The following NELL1 variants were observed in gnomAD, a reference collection of about 807,000 sequenced individuals.
NELL1 encodes the protein protein kinase C-binding protein NELL1.
In NELL1, 76 loss-of-function variants were observed where a neutral mutation model predicts 107.4. That is an observed-to-expected ratio of 0.71 (90% confidence interval 0.59 to 0.86). The LOEUF (loss-of-function observed/expected upper bound fraction) is 0.86. NELL1 is among the 40% of genes least tolerant of loss of function. The probability of loss-of-function intolerance (pLI) is 0.00; values close to 1 mark genes in which losing one functional copy is unlikely to be tolerated. For synonymous variants in NELL1, 353 were observed against 341.2 expected, an observed-to-expected ratio of 1.03 and a Z score of -0.38; for missense variants, 1,024 against 1,005.5, an observed-to-expected ratio of 1.02 and a Z score of -0.25.
At chr11:20,693,155 C>G (rs1854515502) in intron 2 of NELL1, among the ~76,000 whole-genome samples, 1 of 151,748 alleles carries the variant, frequency 6.6e-6, no homozygotes, top group Non-Finnish European at 1.5e-5. Context: ...CTTCCTCCAT[C>G]CTTTTATTTT....
intron 12 of NELL1, among the ~76,000 whole-genome samples, chr11:21,076,181 C>T (rs560834687): frequency 5.2e-4 from 79 of 152,328 alleles, no homozygotes; most frequent in African/African-American, 1.4e-3. Context: ...GCAGGCTCAA[C>T]GCCTTCAGTG....
intron 13 of NELL1, among the ~76,000 whole-genome samples, chr11:21,128,949 A>C (rs1258473691): frequency 6.6e-6 from 1 of 152,228 alleles, no homozygotes; most frequent in Non-Finnish European, 1.5e-5. Flanking sequence ...TAGAAAACTG[A>C]CAAGTTACAA....
intron 12 of NELL1, among the ~76,000 whole-genome samples, chr11:21,063,466 GCTT>G (rs1340903037): frequency 4.6e-5 from 7 of 152,090 alleles, no homozygotes; most frequent in East Asian, 1.9e-4. Context: ...CTAATTATAG[GCTT>G]CTTCTTTTTG....
intron 13 of NELL1, among the ~76,000 whole-genome samples, chr11:21,219,670 G>T (rs534077396): frequency 9.9e-5 from 15 of 152,034 alleles, no homozygotes; most frequent in African/African-American, 3.1e-4. Flanking sequence ...GAGAAATAGG[G>T]GTCTAATTTC....
chr11:21,449,662 T>G (rs911613263), intron 15 of NELL1, among the ~76,000 whole-genome samples: 10 of 152,218 alleles, frequency 6.6e-5, no homozygotes, highest in African/African-American at 2.4e-4. Context: ...GTGTTTTGCC[T>G]TAGAAATTTT....
intron 7 of NELL1, among the ~76,000 whole-genome samples, chr11:20,921,388 T>G (rs1007051608): frequency 1.6e-4 from 24 of 152,228 alleles, no homozygotes; most frequent in African/African-American, 5.5e-4. Flanking sequence ...TTAGTCTGCT[T>G]TACAGATGAG....
rs149426766 is a variant in NELL1, at chr11:21,024,465, T to C, written c.1300+63905T>C. Among the ~76,000 whole-genome samples the C allele has an allele frequency of 1.6e-3, 239 of 152,294 alleles. 1 individual carries two copies. Among genetic ancestry groups the C allele is most frequent in the African/African-American group, 4.4e-3 (185 of 41,584 alleles). On this transcript the variant is annotated intron_variant, in intron 12 of 19. Coordinates refer to ENST00000357134, the MANE Select transcript of NELL1 (RefSeq NM_006157.5). Reference sequence around the variant, plus strand: ...CTCACATATGTATCAGTTCCAATTCTACCACTTTGAAGTGTTAGTTAAAAT... The same window carrying C: ...CTCACATATGTATCAGTTCCAATTCCACCACTTTGAAGTGTTAGTTAAAAT...
intron 2 of NELL1, among the ~76,000 whole-genome samples, chr11:20,735,670 G>A (rs1413085487): frequency 6.6e-6 from 1 of 152,154 alleles, no homozygotes; most frequent in Admixed American, 6.5e-5. Context: ...CAATGGAGTG[G>A]CCAGCATGAA....
chr11:20,721,138 T>G (rs1855371236), intron 2 of NELL1, among the ~76,000 whole-genome samples: 1 of 142,808 alleles, frequency 7.0e-6, no homozygotes, highest in South Asian at 2.1e-4. Flanking sequence ...TTCTGCCCAC[T>G]GCATGGCTCC....
At chr11:20,998,481 G>A (rs1033967809) in intron 12 of NELL1, among the ~76,000 whole-genome samples, 3 of 151,950 alleles carry the variant, frequency 2.0e-5, no homozygotes, top group Non-Finnish European at 2.9e-5. Context: ...TTTCCACAGT[G>A]AGGATGGTGA....
At chr11:21,237,838 T>A (rs1482095443) in intron 14 of NELL1, among the ~76,000 whole-genome samples, 1 of 152,114 alleles carries the variant, frequency 6.6e-6, no homozygotes, top group African/African-American at 2.4e-5. Context: ...GATTCTTCTT[T>A]ATAGTCAGTA....
chr11:21,170,954 C>A (rs1856594491), intron 13 of NELL1, among the ~76,000 whole-genome samples: 2 of 151,626 alleles, frequency 1.3e-5, no homozygotes, highest in South Asian at 4.2e-4. Context: ...ATTATTGATT[C>A]TGTGATAAAC....
At position 21,178,520 on chromosome 11, in the gene NELL1, G is replaced by A. The variant is rs578218774; in HGVS notation, c.1427-50812G>A. ...CGTAGCTCACACCTGTAATCTCAGC[G>A]CTTTGGGAGGCTGATGCTGGAGGAC... On this transcript the variant is annotated intron_variant, in intron 13 of 19. Transcript: ENST00000357134. 5.9e-5 allele frequency among the ~76,000 whole-genome samples: 9 copies of A among 151,728 alleles called. 1 individual carries two copies. The South Asian group carries it at 1.2e-3, about 21-fold the overall frequency.
chr11:21,261,468 G>T (rs138856146), intron 14 of NELL1, among the ~76,000 whole-genome samples: 1 of 151,380 alleles, frequency 6.6e-6, no homozygotes, highest in African/African-American at 2.4e-5. Flanking sequence ...CCATTTGTAC[G>T]ACTAATTATG....
intron 12 of NELL1, among the ~76,000 whole-genome samples, chr11:21,017,403 T>C (rs984672400): frequency 2.0e-5 from 3 of 152,112 alleles, no homozygotes; most frequent in African/African-American, 4.8e-5. Context: ...GCCTACAGCC[T>C]AGGATTGCTG....
intron 14 of NELL1, among the ~76,000 whole-genome samples, chr11:21,234,492 G>C (rs1858150506): frequency 6.6e-6 from 1 of 152,156 alleles, no homozygotes; most frequent in Non-Finnish European, 1.5e-5. Flanking sequence ...GTTGAATCAA[G>C]TATCTCCCCT....
At chr11:21,153,847 C>A (rs979216153) in intron 13 of NELL1, among the ~76,000 whole-genome samples, 3 of 152,062 alleles carry the variant, frequency 2.0e-5, no homozygotes, top group African/African-American at 7.2e-5. Context: ...CCCTTTCTAC[C>A]ACACTGTGCT....
chr11:20,837,877 A>G (rs1329304453), intron 3 of NELL1, among the ~76,000 whole-genome samples: 4 of 152,130 alleles, frequency 2.6e-5, no homozygotes, highest in Admixed American at 2.0e-4. Context: ...AATTCTAAGT[A>G]ATTTATGTAA....
At chr11:20,773,065 G>C (rs1479989831) in intron 2 of NELL1, among the ~76,000 whole-genome samples, 3 of 152,152 alleles carry the variant, frequency 2.0e-5, no homozygotes, top group Admixed American at 2.0e-4. Flanking sequence ...TTCAATTTTT[G>C]TTTTAACAGA....
Sources: gnomAD v4.1 joint callset for allele counts (sites outside exome capture counted in the v4.1 genomes callset) on GRCh38, gnomAD v4.1.1 for gene constraint, MANE v1.5 for transcripts, NCBI Gene and HGNC (gene_info 2026-07-23, HGNC 2026-07-21) for gene names.